The following MYO3B variants were observed in gnomAD, a reference collection of about 807,000 sequenced individuals.
MYO3B encodes myosin IIIB, also known as myosin-IIIb.
Under a neutral mutation model 174.6 loss-of-function variants are expected in MYO3B, and 156 were observed. The observed-to-expected ratio is 0.89, with a 90% CI of 0.78 to 1.02. The LOEUF is 1.02. MYO3B is among the 50% of genes least tolerant of loss of function. The probability of loss-of-function intolerance (pLI) is 0.00; values close to 1 mark genes in which losing one functional copy is unlikely to be tolerated. For synonymous variants in MYO3B, 563 were observed against 569.1 expected, an observed-to-expected ratio of 0.99 and a Z score of 0.15; for missense variants, 1,632 against 1,639.4, an observed-to-expected ratio of 1.00 and a Z score of 0.08.
intron 32 of MYO3B, among the ~76,000 whole-genome samples, chr2:170,567,758 G>A (rs1318073344): frequency 7.2e-5 from 11 of 152,158 alleles, no homozygotes; most frequent in Non-Finnish European, 1.5e-4. Context: ...CATGACTCCA[G>A]GTGTTTGGAG....
intron 29 of MYO3B, among the ~76,000 whole-genome samples, chr2:170,517,424 A>G (rs1161534731): frequency 3.3e-5 from 5 of 152,114 alleles, no homozygotes; most frequent in Non-Finnish European, 7.4e-5. Flanking sequence ...TCATAAGGAG[A>G]GTCCCAAACC....
At chr2:170,497,617 C>CAA (rs34345597) in intron 25 of MYO3B, among the ~76,000 whole-genome samples, 5,705 of 148,490 alleles carry the variant, frequency 0.038, 224 homozygotes, top group Admixed American at 0.13. Flanking sequence ...GACTCAGTCT[C>CAA]AAAAAAAAAA....
chr2:170,468,135 C>T (rs1164557669), intron 25 of MYO3B, among the ~76,000 whole-genome samples: 2 of 152,100 alleles, frequency 1.3e-5, no homozygotes, highest in African/African-American at 4.8e-5. Flanking sequence ...GATTTCTGAG[C>T]CAGCAAGTTA....
At chr2:170,588,506 C>T (rs1421306002) in intron 32 of MYO3B, among the ~76,000 whole-genome samples, 3 of 152,206 alleles carry the variant, frequency 2.0e-5, no homozygotes, top group African/African-American at 7.2e-5. Flanking sequence ...GTTGACTCAA[C>T]TCCTCTTCCA....
intron 7 of MYO3B, among the ~76,000 whole-genome samples, chr2:170,296,081 G>A (rs1264768162): frequency 1.3e-5 from 2 of 152,146 alleles, no homozygotes; most frequent in African/African-American, 4.8e-5. Flanking sequence ...GCTCATCTTA[G>A]CCTTCAGTTT....
At chr2:170,352,008 A>C (rs1049884884) in intron 8 of MYO3B, among the ~76,000 whole-genome samples, 1 of 152,188 alleles carries the variant, frequency 6.6e-6, no homozygotes, top group Non-Finnish European at 1.5e-5. Flanking sequence ...GCTAGAGTGC[A>C]GTGGCATGAT....
chr2:170,205,283 A>G (rs1265371111), intron 3 of MYO3B, among the ~76,000 whole-genome samples: 3 of 152,198 alleles, frequency 2.0e-5, no homozygotes, highest in Non-Finnish European at 4.4e-5. Flanking sequence ...ATTGCTGAAG[A>G]GGCCTTTGTT....
At chr2:170,650,019 C>CTTTTT (rs1017785949) in intron 32 of MYO3B, 5 of 65,614 alleles carry the variant, frequency 7.6e-5, no homozygotes, top group Non-Finnish European at 8.2e-5. Context: ...ATGTGATAGT[C>CTTTTT]TTTTTTTTTT....
intron 30 of MYO3B, among the ~76,000 whole-genome samples, chr2:170,527,504 A>G (rs992289440): frequency 3.3e-5 from 5 of 152,184 alleles, no homozygotes; most frequent in Non-Finnish European, 7.3e-5. Context: ...CTGGCAGCAA[A>G]CTGCTGGAAG....
At chr2:170,464,573 G>A (rs1221939481) in intron 24 of MYO3B, among the ~76,000 whole-genome samples, 1 of 152,026 alleles carries the variant, frequency 6.6e-6, no homozygotes, top group Non-Finnish European at 1.5e-5. Flanking sequence ...GATCTAAAAC[G>A]CGGAAGTCCA....
rs574701361 is a variant in MYO3B at position 170,392,442 on chromosome 2, A to G, written c.1738A>G (p.Arg580Gly). ...HDITSKESYR[R>G]QFEAIQHCFR... ...CATAACTTCCAAGGAGTCTTACAGA[A>G]GACAATTCGAAGCAATTCAGCATTG... is the stretch of plus-strand genomic sequence containing the variant. The change falls in exon 16 of 35, where the codon AGA becomes GGA. Residue 580 changes from arginine (R) to glycine (G), a missense_variant. Physicochemically the swap from Arg to Gly is moderately radical, Grantham distance 125. Coordinates refer to ENST00000408978, the MANE Select transcript of MYO3B (RefSeq NM_138995.5). 7 of 1,600,312 alleles carry G rather than the reference A, an allele frequency of 4.4e-6. No homozygotes were observed. In the African/African-American group the frequency reaches 9.4e-5, roughly 21 times the overall value.
At chr2:170,413,577 G>T (rs560043311) in intron 22 of MYO3B, among the ~76,000 whole-genome samples, 35 of 152,270 alleles carry the variant, frequency 2.3e-4, no homozygotes, top group African/African-American at 7.9e-4. Context: ...TGCACCCACG[G>T]TGTTGTGTGT....
chr2:170,269,188 A>G (rs529545570), intron 7 of MYO3B, among the ~76,000 whole-genome samples: 1 of 152,314 alleles, frequency 6.6e-6, no homozygotes, highest in South Asian at 2.1e-4. Context: ...TGTACTTTTC[A>G]TATGACAATG....
At chr2:170,210,694 T>A (rs893979901) in intron 3 of MYO3B, among the ~76,000 whole-genome samples, 7 of 152,214 alleles carry the variant, frequency 4.6e-5, no homozygotes, top group Non-Finnish European at 1.0e-4. Context: ...CCTGCATAAT[T>A]TAGTTCACCT....
At chr2:170,450,372 G>C (rs1432167945) in intron 23 of MYO3B, among the ~76,000 whole-genome samples, 4 of 152,100 alleles carry the variant, frequency 2.6e-5, no homozygotes, top group African/African-American at 9.7e-5. Flanking sequence ...ACATATCAAA[G>C]GTTTACAACA....
intron 9 of MYO3B, among the ~76,000 whole-genome samples, chr2:170,380,411 C>T (rs916506461): frequency 2.6e-5 from 4 of 152,108 alleles, no homozygotes; most frequent in African/African-American, 9.7e-5. Context: ...GGGAGATAGA[C>T]AGATCAGTTA....
intron 7 of MYO3B, among the ~76,000 whole-genome samples, chr2:170,280,186 T>C (rs1194603195): frequency 6.6e-6 from 1 of 152,208 alleles, no homozygotes; most frequent in Non-Finnish European, 1.5e-5. Flanking sequence ...CACATTGTGG[T>C]TTTGATTTGC....
intron 32 of MYO3B, among the ~76,000 whole-genome samples, chr2:170,568,546 A>G (rs1692220567): frequency 6.6e-6 from 1 of 152,216 alleles, no homozygotes; most frequent in African/African-American, 2.4e-5. Flanking sequence ...CTTTTGCCCA[A>G]ATAAGAGATG....
In MYO3B at chr2:170,373,507, C is replaced by G. The variant is rs79814526; in HGVS notation, c.971+4130C>G. ...CATTCCTGCAAAGGTAAGGAACGTT[C>G]AGTCCACTTTAGTACTTTTCCCAGG... On this transcript the variant is annotated intron_variant, in intron 9 of 34. Transcript: ENST00000408978. Among the ~76,000 whole-genome samples, 1,230 of 152,296 alleles carry G rather than the reference C, an allele frequency of 8.1e-3. 17 individuals are homozygous for G. Among genetic ancestry groups the G allele is most frequent in the African/African-American group, 0.027 (1,133 of 41,562 alleles).
Sources: allele counts gnomAD v4.1 joint callset (sites outside exome capture counted in the v4.1 genomes callset), GRCh38; gene constraint gnomAD v4.1.1; transcripts MANE v1.5; gene names NCBI Gene and HGNC (gene_info 2026-07-23, HGNC 2026-07-21).